Variants in PPFIA2 observed in about 807,000 individuals in gnomAD.
PPFIA2 encodes PPFI scaffold protein A2, also known as liprin-alpha-2.
In PPFIA2, 46 loss-of-function variants were observed where a neutral mutation model predicts 175.5. The ratio of observed to expected loss-of-function variants is 0.26; its 90% CI spans 0.21 to 0.34. PPFIA2 has a LOEUF of 0.34. PPFIA2 is among the 10% of genes least tolerant of loss of function. The probability of loss-of-function intolerance (pLI) is 1.00; values close to 1 mark genes in which losing one functional copy is unlikely to be tolerated. For missense variants in PPFIA2, 1,179 were observed against 1,506.1 expected (o/e 0.78, Z 3.60); for synonymous variants, 568 against 511.4 (o/e 1.11, Z -1.49).
In PPFIA2 at chr12:81,620,433, T is replaced by G. The variant is rs181736917; in HGVS notation, c.303+56358A>C. Among the ~76,000 whole-genome samples, 1,332 of 145,628 alleles carry G rather than the reference T, an allele frequency of 9.1e-3. 22 individuals are homozygous for G. The highest frequency in any genetic ancestry group is 0.031 in the African/African-American group (1,108 of 36,288). ...GTTATAATGGATGTTTTAATGCATCTTTTTTTTTGTATTTTGGTAATTAAA... is the reference window on the plus strand; with the variant it reads ...GTTATAATGGATGTTTTAATGCATCGTTTTTTTTGTATTTTGGTAATTAAA... On this transcript the variant is annotated intron_variant, in intron 4 of 32. Coordinates refer to ENST00000549396, the MANE Select transcript of PPFIA2 (RefSeq NM_003625.5).
At chr12:81,337,821 C>A (rs576598486) in intron 21 of PPFIA2, among the ~76,000 whole-genome samples, 14 of 152,076 alleles carry the variant, frequency 9.2e-5, no homozygotes, top group African/African-American at 3.1e-4. Context: ...ATTTGGTCAA[C>A]CACTAGTTGT....
At chr12:81,740,844 AATAATTCAAAT>A (rs2082234919) in intron 3 of PPFIA2, among the ~76,000 whole-genome samples, 1 of 152,178 alleles carries the variant, frequency 6.6e-6, no homozygotes, top group Non-Finnish European at 1.5e-5. Flanking sequence ...AAAAAAATAG[AATAATTCAAAT>A]ATAAACTATT....
chr12:81,589,602 A>C (rs1450163413), intron 4 of PPFIA2, among the ~76,000 whole-genome samples: 1 of 152,266 alleles, frequency 6.6e-6, no homozygotes, highest in East Asian at 1.9e-4. Flanking sequence ...GAAATTACAT[A>C]GTTTAGAATA....
At chr12:81,319,377 T>C (rs1921047) in intron 22 of PPFIA2, among the ~76,000 whole-genome samples, 142,384 of 151,652 alleles carry the variant, frequency 0.94, 66,921 homozygotes, top group East Asian at 0.98. Context: ...TATAATTGTC[T>C]TTGGTTGAAG....
intron 22 of PPFIA2, among the ~76,000 whole-genome samples, chr12:81,324,702 T>TA (rs1353129622): frequency 1.3e-5 from 2 of 151,966 alleles, no homozygotes; most frequent in Non-Finnish European, 2.9e-5. Flanking sequence ...GATCAGTAAC[T>TA]AAAGAATAAA....
chr12:81,285,768 T>C (rs991720129), intron 24 of PPFIA2, among the ~76,000 whole-genome samples: 4 of 152,172 alleles, frequency 2.6e-5, no homozygotes, highest in Admixed American at 6.6e-5. Flanking sequence ...TTGATAATCA[T>C]CATTAATGAC....
At chr12:81,454,136 C>T (rs2053165799) in intron 5 of PPFIA2, among the ~76,000 whole-genome samples, 1 of 152,200 alleles carries the variant, frequency 6.6e-6, no homozygotes, top group South Asian at 2.1e-4. Flanking sequence ...GGAAGATCAC[C>T]TGAGTCCAGG....
At chr12:81,312,088 T>G in intron 22 of PPFIA2, 8 of 1,445,120 alleles carry the variant, frequency 5.5e-6, no homozygotes, top group Non-Finnish European at 7.5e-6. Context: ...AAAAGAGTAA[T>G]ACTCTGAAAA....
At chr12:81,687,167 G>A (rs1206011062) in intron 3 of PPFIA2, among the ~76,000 whole-genome samples, 2 of 152,014 alleles carry the variant, frequency 1.3e-5, no homozygotes, top group Admixed American at 6.6e-5. Flanking sequence ...GGTTACTTCT[G>A]TACTCAAAAT....
chr12:81,500,587 C>T (rs918333552), intron 4 of PPFIA2, among the ~76,000 whole-genome samples: 2 of 152,098 alleles, frequency 1.3e-5, no homozygotes, highest in Non-Finnish European at 2.9e-5. Flanking sequence ...GTAGAAATAG[C>T]CCAGTTTTTA....
intron 22 of PPFIA2, among the ~76,000 whole-genome samples, chr12:81,303,797 T>A (rs2048455533): frequency 1.3e-5 from 2 of 152,170 alleles, no homozygotes; most frequent in Non-Finnish European, 2.9e-5. Flanking sequence ...AATTTCTAGA[T>A]AAAAGACCAA....
At chr12:81,553,609 A>C (rs2068317448) in intron 4 of PPFIA2, among the ~76,000 whole-genome samples, 1 of 151,982 alleles carries the variant, frequency 6.6e-6, no homozygotes, top group Non-Finnish European at 1.5e-5. Context: ...GAACCACAAG[A>C]CTCTGCGGAA....
At chr12:81,290,121 T>C (rs186949163) in intron 24 of PPFIA2, among the ~76,000 whole-genome samples, 3 of 151,872 alleles carry the variant, frequency 2.0e-5, no homozygotes, top group Non-Finnish European at 3.0e-5. Context: ...TACCTTGTCT[T>C]TTTCTCCTCA....
intron 8 of PPFIA2, among the ~76,000 whole-genome samples, chr12:81,388,261 A>G (rs1027526723): frequency 6.6e-5 from 10 of 152,214 alleles, no homozygotes; most frequent in Non-Finnish European, 1.5e-4. Flanking sequence ...AATAGAAGAA[A>G]CTATTGTACT....
chr12:81,655,675 T>C (rs762501664), intron 4 of PPFIA2, among the ~76,000 whole-genome samples: 14 of 152,028 alleles, frequency 9.2e-5, no homozygotes, highest in Admixed American at 1.3e-4. Context: ...AAATGTATTC[T>C]ATATGATTTC....
chr12:81,355,216 T>C (rs1383786627), intron 16 of PPFIA2, among the ~76,000 whole-genome samples: 1 of 152,130 alleles, frequency 6.6e-6, no homozygotes, highest in Non-Finnish European at 1.5e-5. Flanking sequence ...AGCTCTTGGG[T>C]GGCCAGGTGC....
At chr12:81,566,335 A>AACATGGTAAAACACAATCTTGAAC (rs2071275001) in intron 4 of PPFIA2, among the ~76,000 whole-genome samples, 1 of 152,094 alleles carries the variant, frequency 6.6e-6, no homozygotes, top group Non-Finnish European at 1.5e-5. Context: ...CATCCTGGCC[A>AACATGGTAAAACACAATCTTGAAC]ACATGGTAAA....
intron 4 of PPFIA2, among the ~76,000 whole-genome samples, chr12:81,603,834 A>C (rs1481136535): frequency 6.6e-6 from 1 of 150,902 alleles, no homozygotes; most frequent in African/African-American, 2.4e-5. Flanking sequence ...CTAAAAAAAA[A>C]AAAAAAAAAA....
Position 81,420,940 on chromosome 12 carries a change from A to G in PPFIA2, c.646-15037T>C, listed in dbSNP as rs529092267. On this transcript the variant is annotated intron_variant, in intron 7 of 32. Transcript: ENST00000549396. ...AAAGAAAAAAGCAACTCATTATGTG[A>G]AAGAGAATCCCTGTAAGACTATTAG... Among the ~76,000 whole-genome samples the G allele has an allele frequency of 2.2e-4, 33 of 152,246 alleles. No homozygotes were observed. The South Asian group carries it at 3.7e-3, about 17-fold the overall frequency.
Sources: gnomAD v4.1 joint callset for allele counts (sites outside exome capture counted in the v4.1 genomes callset) on GRCh38, gnomAD v4.1.1 for gene constraint, MANE v1.5 for transcripts, NCBI Gene and HGNC (gene_info 2026-07-23, HGNC 2026-07-21) for gene names.